Variants in DOCK3 observed in about 807,000 individuals in gnomAD.
DOCK3 encodes dedicator of cytokinesis 3.
DOCK3 carries 60 observed loss-of-function variants against 265.6 expected under a neutral mutation model. That is an observed-to-expected ratio of 0.23 (90% CI 0.18 to 0.28). The LOEUF (loss-of-function observed/expected upper bound fraction) is 0.28, where lower values mean the gene tolerates loss of function less well. Ranked by LOEUF, DOCK3 falls within the 10% of genes least tolerant of loss-of-function variation. DOCK3 has a pLI of 1.00. For synonymous variants in DOCK3, 881 were observed against 938.0 expected (o/e 0.94, Z 1.11); for missense variants, 1,981 against 2,594.3 (o/e 0.76, Z 5.14).
At chr3:50,978,615 C>A (rs1471838175) in intron 5 of DOCK3, among the ~76,000 whole-genome samples, 3 of 152,268 alleles carry the variant, frequency 2.0e-5, no homozygotes, top group South Asian at 4.1e-4. Flanking sequence ...TGTGCCCTGC[C>A]CCCAGAGGTG....
At chr3:51,056,854 C>A (rs920794236) in intron 5 of DOCK3, among the ~76,000 whole-genome samples, 1 of 151,938 alleles carries the variant, frequency 6.6e-6, no homozygotes, top group Non-Finnish European at 1.5e-5. Flanking sequence ...GGTAATCTTC[C>A]CACAACAACA....
chr3:51,082,898 T>C (rs2082292899), intron 7 of DOCK3, among the ~76,000 whole-genome samples: 1 of 152,146 alleles, frequency 6.6e-6, no homozygotes, highest in African/African-American at 2.4e-5. Flanking sequence ...GAAACTGCCC[T>C]AGCTGTTGCC....
At chr3:51,038,996 A>T (rs2080376673) in intron 5 of DOCK3, among the ~76,000 whole-genome samples, 1 of 151,298 alleles carries the variant, frequency 6.6e-6, no homozygotes, top group Non-Finnish European at 1.5e-5. Flanking sequence ...ATTTAATTTT[A>T]TTATTATTAT....
chr3:50,713,496 G>A (rs2036900191), intron 1 of DOCK3, among the ~76,000 whole-genome samples: 1 of 152,118 alleles, frequency 6.6e-6, no homozygotes, highest in African/African-American at 2.4e-5. Flanking sequence ...AACTTGTTGA[G>A]AATTTATTTT....
At chr3:51,013,873 C>T (rs770531934) in intron 5 of DOCK3, among the ~76,000 whole-genome samples, 1 of 152,198 alleles carries the variant, frequency 6.6e-6, no homozygotes, top group Non-Finnish European at 1.5e-5. Flanking sequence ...TAAGCCTCAG[C>T]AATGGCGGAC....
intron 1 of DOCK3, among the ~76,000 whole-genome samples, chr3:50,719,268 CT>C (rs71084106): frequency 1.2e-4 from 16 of 138,650 alleles, no homozygotes; most frequent in Non-Finnish European, 1.4e-4. Flanking sequence ...TAGATATTTT[CT>C]TTTTTTTTTT....
intron 2 of DOCK3, chr3:50,787,679 A>G: frequency 7.7e-7 from 1 of 1,297,836 alleles, no homozygotes; most frequent in Non-Finnish European, 1.1e-6. Flanking sequence ...GGAGTAGGGG[A>G]AGTGGTAGCT....
chr3:51,092,121 C>T (rs4639007), intron 9 of DOCK3, among the ~76,000 whole-genome samples: 126,797 of 152,098 alleles, frequency 0.83, 53,333 homozygotes, highest in East Asian at 0.95. Flanking sequence ...GTTTGTTTTT[C>T]TCCATAACCC....
At chr3:51,344,947 G>A (rs796923109) in intron 38 of DOCK3, among the ~76,000 whole-genome samples, 3 of 152,294 alleles carry the variant, frequency 2.0e-5, no homozygotes, top group African/African-American at 7.2e-5. Flanking sequence ...CAGAGATGCC[G>A]GCAAGATAGA....
intron 9 of DOCK3, among the ~76,000 whole-genome samples, chr3:51,096,849 G>A (rs986423538): frequency 6.6e-6 from 1 of 152,162 alleles, no homozygotes; most frequent in South Asian, 2.1e-4. Context: ...TTTTGTTGAC[G>A]TTGATGCTAT....
At chr3:50,753,275 T>G (rs2039949370) in intron 1 of DOCK3, among the ~76,000 whole-genome samples, 1 of 152,224 alleles carries the variant, frequency 6.6e-6, no homozygotes, top group Non-Finnish European at 1.5e-5. Context: ...AGATTTTATG[T>G]ATTTTATCTG....
chr3:51,119,758 A>G (rs971237267), intron 9 of DOCK3, among the ~76,000 whole-genome samples: 14 of 151,746 alleles, frequency 9.2e-5, no homozygotes, highest in Non-Finnish European at 1.9e-4. Context: ...CAGTTCAGCT[A>G]TTGATACTTG....
chr3:50,946,592 A>C (rs1270626778), intron 5 of DOCK3, among the ~76,000 whole-genome samples: 1 of 152,218 alleles, frequency 6.6e-6, no homozygotes, highest in African/African-American at 2.4e-5. Flanking sequence ...CAGTGTGTAC[A>C]GCTAAAAAGT....
intron 13 of DOCK3, among the ~76,000 whole-genome samples, chr3:51,212,431 G>GTTTTTT (rs1198836971): frequency 1.8e-5 from 2 of 112,268 alleles, no homozygotes; most frequent in Admixed American, 1.8e-4. Context: ...TACACCCACT[G>GTTTTTT]TTTTTTTTTT....
At chr3:50,910,091 A>T (rs1045622687) in intron 4 of DOCK3, among the ~76,000 whole-genome samples, 25 of 152,136 alleles carry the variant, frequency 1.6e-4, no homozygotes, top group African/African-American at 5.1e-4. Context: ...CTCCTTTCTA[A>T]AATGGCTATT....
intron 8 of DOCK3, 98 bp from the exon 9 acceptor site, chr3:51,090,132 T>C (rs2082582898): frequency 2.4e-6 from 3 of 1,242,086 alleles, no homozygotes. Context: ...TCTCCTTCAG[T>C]AGTGTGAAAA....
At chr3:51,124,559 A>G (rs2084178326) in intron 9 of DOCK3, among the ~76,000 whole-genome samples, 1 of 152,182 alleles carries the variant, frequency 6.6e-6, no homozygotes, top group African/African-American at 2.4e-5. Flanking sequence ...TATCAAGAAG[A>G]AGGAAAGACA....
intron 1 of DOCK3, among the ~76,000 whole-genome samples, chr3:50,747,176 C>T (rs868540451): frequency 8.5e-5 from 13 of 152,278 alleles, no homozygotes; most frequent in Middle Eastern, 3.4e-3. Context: ...TCTGTATTTA[C>T]CACATATTAG....
intron 5 of DOCK3, among the ~76,000 whole-genome samples, chr3:50,939,780 T>C (rs2076234060): frequency 1.3e-5 from 2 of 152,284 alleles, no homozygotes; most frequent in African/African-American, 2.4e-5. Flanking sequence ...GTAATGATGA[T>C]AGACAGTCTG....
Sources: allele counts gnomAD v4.1 joint callset (sites outside exome capture counted in the v4.1 genomes callset), GRCh38; gene constraint gnomAD v4.1.1; transcripts MANE v1.5; gene names NCBI Gene and HGNC (gene_info 2026-07-23, HGNC 2026-07-21).